Variants in OCLN observed in about 807,000 individuals in gnomAD.
OCLN encodes the protein occludin.
OCLN carries 21 observed loss-of-function variants against 47.9 expected under a neutral mutation model. That is an observed-to-expected ratio of 0.44 (90% confidence interval 0.31 to 0.63). The LOEUF is 0.63. OCLN is among the 30% of genes least tolerant of loss of function. OCLN has a pLI of 0.08. For synonymous variants in OCLN, 117 were observed against 198.4 expected, an observed-to-expected ratio of 0.59 and a Z score of 3.45; for missense variants, 360 against 571.0, an observed-to-expected ratio of 0.63 and a Z score of 3.77.
intron 3 of OCLN, among the ~76,000 whole-genome samples, chr5:69,512,037 A>AG (rs57876528): frequency 7.5e-3 from 28 of 3,754 alleles, no homozygotes; most frequent in South Asian, 0.02. Context: ...AAAAAAAAAA[A>AG]AAAAAAAATT....
chr5:69,515,981 C>G (rs530243689), intron 4 of OCLN, among the ~76,000 whole-genome samples: 1 of 150,960 alleles, frequency 6.6e-6, no homozygotes, highest in Non-Finnish European at 1.5e-5. Context: ...GATGGGATGG[C>G]GGCCGGGCAG....
chr5:69,521,193 T>C (rs985485860), intron 4 of OCLN, among the ~76,000 whole-genome samples: 13 of 152,254 alleles, frequency 8.5e-5, no homozygotes, highest in South Asian at 4.1e-4. Context: ...AGGATCATAA[T>C]GTACACGTTG....
chr5:69,500,846 A>G (rs999092563), intron 1 of OCLN, among the ~76,000 whole-genome samples: 1 of 152,184 alleles, frequency 6.6e-6, no homozygotes, highest in South Asian at 2.1e-4. Flanking sequence ...CACTGAACCT[A>G]GAATTTGGGG....
At chr5:69,496,390 G>T (rs903814528) in intron 1 of OCLN, among the ~76,000 whole-genome samples, 4 of 151,956 alleles carry the variant, frequency 2.6e-5, no homozygotes, top group African/African-American at 2.4e-5. Context: ...GAGCCACCGC[G>T]CCCGGCCACA....
chr5:69,495,824 T>C (rs1768272159), intron 1 of OCLN, among the ~76,000 whole-genome samples: 1 of 152,024 alleles, frequency 6.6e-6, no homozygotes, highest in Admixed American at 6.6e-5. Context: ...GAAGGTGACG[T>C]CTGAGCTGAG....
At chr5:69,529,882 G>A (rs1346650467) in intron 4 of OCLN, among the ~76,000 whole-genome samples, 1 of 152,196 alleles carries the variant, frequency 6.6e-6, no homozygotes, top group Admixed American at 6.5e-5. Context: ...GGGATTACAG[G>A]CATGAGCTAC....
chr5:69,529,831 G>T (rs1045571954), intron 4 of OCLN, among the ~76,000 whole-genome samples: 1 of 152,160 alleles, frequency 6.6e-6, no homozygotes, highest in Admixed American at 6.5e-5. Flanking sequence ...TCGAACTCCC[G>T]ACTTCAGGTG....
chr5:69,529,636 A>C (rs1289466897), intron 4 of OCLN, among the ~76,000 whole-genome samples: 1 of 151,914 alleles, frequency 6.6e-6, no homozygotes, highest in East Asian at 1.9e-4. Context: ...TTGAGATGGA[A>C]TCTGTCACCC....
At chr5:69,514,478 GT>G (rs757535013) in intron 4 of OCLN, among the ~76,000 whole-genome samples, 1 of 151,544 alleles carries the variant, frequency 6.6e-6, no homozygotes, top group Non-Finnish European at 1.5e-5. Context: ...GCTCTCGTGG[GT>G]CAAGATTGGC....
In OCLN at chr5:69,548,439, A is replaced by G. The variant is rs1201200862; in HGVS notation, c.1425+338A>G. 2.0e-5 allele frequency among the ~76,000 whole-genome samples: 3 copies of G among 148,520 alleles called. 1 individual carries two copies. Among genetic ancestry groups the G allele is most frequent in the Non-Finnish European group, 4.5e-5 (3 of 67,152 alleles). On this transcript the variant is annotated intron_variant, in intron 7 of 8. Transcript: ENST00000396442. ...CGCCATTCTCCTGACTCAGCCTCCCAAGTAGCTGGGATTACAGGTGCCTGC... is the reference window on the plus strand; with the variant it reads ...CGCCATTCTCCTGACTCAGCCTCCCGAGTAGCTGGGATTACAGGTGCCTGC...
intron 4 of OCLN, among the ~76,000 whole-genome samples, chr5:69,524,777 C>T (rs1026937555): frequency 2.6e-5 from 4 of 152,218 alleles, no homozygotes; most frequent in Non-Finnish European, 5.9e-5. Context: ...ACCTCCGCCT[C>T]CCGGGTTCAA....
intron 4 of OCLN, among the ~76,000 whole-genome samples, chr5:69,524,325 A>G (rs755864691): frequency 6.6e-6 from 1 of 152,172 alleles, no homozygotes; most frequent in Non-Finnish European, 1.5e-5. Flanking sequence ...TACATTATAC[A>G]TTTTTTACTC....
intron 1 of OCLN, among the ~76,000 whole-genome samples, chr5:69,501,100 A>G (rs1284839072): frequency 6.6e-6 from 1 of 151,916 alleles, no homozygotes; most frequent in Non-Finnish European, 1.5e-5. Context: ...TATTTTTAGT[A>G]GAGACGGGGT....
At chr5:69,499,228 G>A (rs1471124104) in intron 1 of OCLN, among the ~76,000 whole-genome samples, 1 of 151,994 alleles carries the variant, frequency 6.6e-6, no homozygotes, top group Non-Finnish European at 1.5e-5. Flanking sequence ...GTGCCACCAT[G>A]CCTGGCTAAT....
intron 4 of OCLN, among the ~76,000 whole-genome samples, chr5:69,525,801 A>G (rs1298205768): frequency 1.3e-5 from 2 of 152,124 alleles, no homozygotes; most frequent in Non-Finnish European, 2.9e-5. Context: ...TCTCTCCTTT[A>G]GGGAAAGATG....
At chr5:69,549,979 GT>G (rs545929478) in intron 7 of OCLN, among the ~76,000 whole-genome samples, 8,561 of 141,774 alleles carry the variant, frequency 0.06, 20 homozygotes, top group African/African-American at 0.18. Context: ...TTAACAGCAA[GT>G]TTTTTTTTTT....
At chr5:69,506,823 T>G (rs923805312) in intron 2 of OCLN, among the ~76,000 whole-genome samples, 2 of 152,206 alleles carry the variant, frequency 1.3e-5, no homozygotes, top group African/African-American at 4.8e-5. Context: ...ATACAGTTTT[T>G]AAAACATACT....
intron 1 of OCLN, among the ~76,000 whole-genome samples, chr5:69,499,687 C>T (rs1234806648): frequency 1.3e-5 from 2 of 151,998 alleles, no homozygotes; most frequent in Non-Finnish European, 1.5e-5. Flanking sequence ...TGGATTCAAG[C>T]GATTCTCCTG....
intron 4 of OCLN, among the ~76,000 whole-genome samples, chr5:69,524,934 G>C (rs1353193647): frequency 6.6e-6 from 1 of 152,014 alleles, no homozygotes; most frequent in African/African-American, 2.4e-5. Flanking sequence ...TGATCCACCT[G>C]CCTTGGCCTC....
Sources: allele counts gnomAD v4.1 joint callset (sites outside exome capture counted in the v4.1 genomes callset), GRCh38; gene constraint gnomAD v4.1.1; transcripts MANE v1.5; gene names NCBI Gene and HGNC (gene_info 2026-07-23, HGNC 2026-07-21).